Variants in ADGRB1 observed in about 807,000 individuals in gnomAD.
ADGRB1 encodes adhesion G protein-coupled receptor B1.
A neutral mutation model predicts 175.7 loss-of-function variants in ADGRB1; 36 were observed. The ratio of observed to expected loss-of-function variants is 0.20; its 90% CI spans 0.16 to 0.27. The LOEUF (loss-of-function observed/expected upper bound fraction) is 0.27, where lower values mean the gene tolerates loss of function less well. ADGRB1 is among the 10% of genes least tolerant of loss of function. The pLI is 1.00. For synonymous variants in ADGRB1, 1,054 were observed against 979.4 expected (o/e 1.08, Z -1.42); for missense variants, 1,731 against 2,255.3 (o/e 0.77, Z 4.71).
chr8:142,520,512 AGTG>A (rs1258453474), intron 19 of ADGRB1, among the ~76,000 whole-genome samples: 1,165 of 17,128 alleles, frequency 0.068, 25 homozygotes, highest in Middle Eastern at 0.21. Context: ...ATGGTGATGT[AGTG>A]GTGGTGGTGA....
intron 18 of ADGRB1, among the ~76,000 whole-genome samples, chr8:142,513,412 C>T (rs540611055): frequency 5.3e-5 from 8 of 152,322 alleles, no homozygotes; most frequent in Non-Finnish European, 1.0e-4. Flanking sequence ...CCTTCCTGTC[C>T]TTTCCACACC....
chr8:142,542,792 C>G lies in ADGRB1; in HGVS notation c.4413+145C>G, dbSNP rs1246234300. ...GCTACACCCCCCACCCCTGGCCCTG[C>G]TGGGTGTGCTGTGTATGTCTGACGT... On this transcript the variant is annotated intron_variant, in intron 28 of 30. Transcript: ENST00000517894. The surrounding 1 kb of genome is among the most constrained non-coding windows in gnomAD (Gnocchi z 6.3). The G allele has an allele frequency of 1.5e-5, 11 of 757,930 alleles. No homozygotes were observed. The East Asian group carries it at 3.5e-4, about 24-fold the overall frequency. The allele number at this position is 757,930 out of a possible 1,614,324, so 47.0% of individuals were successfully genotyped here. A position where few individuals can be genotyped will look rare whatever the true frequency, so the allele number is the denominator to read the frequency against.
chr8:142,481,934 T>C (rs563789472), intron 11 of ADGRB1, among the ~76,000 whole-genome samples: 1 of 148,576 alleles, frequency 6.7e-6, no homozygotes, highest in South Asian at 2.2e-4. Context: ...CTGACCCTGG[T>C]CACATGCTGA....
intron 24 of ADGRB1, among the ~76,000 whole-genome samples, chr8:142,530,956 T>C (rs532948977): frequency 8.5e-5 from 13 of 152,296 alleles, no homozygotes; most frequent in African/African-American, 3.1e-4. Context: ...GCTGAGCTGC[T>C]GTGTGGGAGT....
intron 13 of ADGRB1, among the ~76,000 whole-genome samples, chr8:142,487,528 TCTC>T (rs1841733109): frequency 6.6e-6 from 1 of 152,060 alleles, no homozygotes; most frequent in Non-Finnish European, 1.5e-5. Context: ...GCGCATGCCC[TCTC>T]CTCCTCTCCC....
intron 1 of ADGRB1, among the ~76,000 whole-genome samples, chr8:142,453,116 C>T (rs1429439787): frequency 6.6e-6 from 1 of 151,464 alleles, no homozygotes; most frequent in South Asian, 2.1e-4. Flanking sequence ...GCCGGAGCCC[C>T]CCTCGCCGGC....
intron 17 of ADGRB1, among the ~76,000 whole-genome samples, chr8:142,502,195 CAGT>C (rs1563718601): frequency 5.0e-5 from 1 of 19,840 alleles, no homozygotes; most frequent in African/African-American, 1.9e-4. Context: ...TTGATGATGA[CAGT>C]GGAGGTGGTG....
rs932308676 is a variant in ADGRB1 at position 142,511,736 on chromosome 8, C to T, written c.2817+663C>T. Among the ~76,000 whole-genome samples the T allele has an allele frequency of 6.6e-6, 1 of 152,196 alleles. No individual in the cohort carries two copies. The highest frequency in any genetic ancestry group is 2.4e-5 in the African/African-American group (1 of 41,444). On this transcript the variant is annotated intron_variant, in intron 18 of 30. Coordinates refer to ENST00000517894, the MANE Select transcript of ADGRB1 (RefSeq NM_001702.3). The surrounding 1 kb of genome is among the most constrained non-coding windows in gnomAD (Gnocchi z 4.5). The stretch of plus-strand genomic sequence containing the variant: ...GGCGCAGCTCCCTGGGGCGGGTGGG[C>T]TCTCTTGCTTTGGGCCGGCCAAGCT...
At chr8:142,498,591 G>A (rs999674890) in intron 17 of ADGRB1, among the ~76,000 whole-genome samples, 1 of 152,048 alleles carries the variant, frequency 6.6e-6, no homozygotes, top group Non-Finnish European at 1.5e-5. Context: ...TTCCTTAACT[G>A]TGCAATGGGA....
At chr8:142,488,260 A>T (rs1841791696) in intron 13 of ADGRB1, 104 bp from the exon 14 acceptor site, 5 of 1,484,860 alleles carry the variant, frequency 3.4e-6, no homozygotes, top group Middle Eastern at 1.8e-4. Flanking sequence ...CCGCGGCATC[A>T]GCCTGCACTG....
At position 142,504,478 on chromosome 8, in the gene ADGRB1, CG is replaced by C. The variant is rs998140472; in HGVS notation, c.2676-6448del. On this transcript the variant is annotated intron_variant, in intron 17 of 30. Coordinates refer to ENST00000517894, the MANE Select transcript of ADGRB1 (RefSeq NM_001702.3). The surrounding 1 kb of genome is among the most constrained non-coding windows in gnomAD (Gnocchi z 5.6). Reference sequence around the variant, plus strand: ...AAGGGAGGCCCCTCTGGGATGGTCGCGGGGGGCTCTGGCTGCTGGGTGAGGC... The same window carrying C: ...AAGGGAGGCCCCTCTGGGATGGTCGCGGGGGCTCTGGCTGCTGGGTGAGGC... Among the ~76,000 whole-genome samples the C allele has an allele frequency of 3.3e-5, 5 of 152,192 alleles. No individual in the cohort carries two copies. The highest frequency in any genetic ancestry group is 1.9e-4 in the East Asian group (1 of 5,164).
At chr8:142,489,240 G>A (rs1206300241) in intron 15 of ADGRB1, 96 bp from the exon 16 acceptor site, 19 of 1,549,864 alleles carry the variant, frequency 1.2e-5, no homozygotes, top group African/African-American at 4.1e-5. Flanking sequence ...GGAGGGTGGC[G>A]GCGGGTACAG....
chr8:142,508,396 C>T (rs1164479093), intron 17 of ADGRB1, among the ~76,000 whole-genome samples: 1 of 152,162 alleles, frequency 6.6e-6, no homozygotes, highest in African/African-American at 2.4e-5. Flanking sequence ...CCTTGGAAAA[C>T]CCTCTGGCCA....
In ADGRB1 at chr8:142,511,566, A is replaced by G. The variant is rs575155922; in HGVS notation, c.2817+493A>G. ...TGGAGGAGGAGGTGGCGGTGGCCCC[A>G]GGCAGGGGCCCTGGCCCAGATCCAC... On this transcript the variant is annotated intron_variant, in intron 18 of 30. Coordinates refer to ENST00000517894, the MANE Select transcript of ADGRB1 (RefSeq NM_001702.3). The surrounding 1 kb of genome is among the most constrained non-coding windows in gnomAD (Gnocchi z 4.5). Among the ~76,000 whole-genome samples, 2 of 152,220 alleles carry G rather than the reference A, an allele frequency of 1.3e-5. No individual in the cohort carries two copies. Among genetic ancestry groups the G allele is most frequent in the South Asian group, 4.1e-4 (2 of 4,826 alleles).
rs759824853 is a variant in ADGRB1, at chr8:142,522,124, C to T, written c.3175+9C>T. ...CCTCTGCCTGGGCTGGGGTGAGCCG[C>T]GGCCTTCCCGACCCTCCTGGACAGA... On this transcript the variant is annotated intron_variant, in intron 21 of 30. Transcript: ENST00000517894. The T allele has an allele frequency of 6.8e-6, 11 of 1,605,922 alleles. No homozygotes were observed. The highest frequency in any genetic ancestry group is 3.3e-5 in the South Asian group (3 of 90,978).
Position 142,476,705 on chromosome 8 carries a change from C to T in ADGRB1, c.1057+10C>T, listed in dbSNP as rs1381779832. 10 of 1,539,756 alleles carry T rather than the reference C, an allele frequency of 6.5e-6. No homozygotes were observed. The highest frequency in any genetic ancestry group is 3.6e-5 in the South Asian group (3 of 83,406). On this transcript the variant is annotated intron_variant, in intron 4 of 30. Transcript: ENST00000517894. ...CCAGCCCCCCAGACCGGTGAGCTGG[C>T]GGGAGGGGGGTGGGTGGGACTAGGG...
In ADGRB1 at chr8:142,492,404, A is replaced by G. The variant is rs1587334789; in HGVS notation, c.2675+1589A>G. On this transcript the variant is annotated intron_variant, in intron 17 of 30. Coordinates refer to ENST00000517894, the MANE Select transcript of ADGRB1 (RefSeq NM_001702.3). The surrounding 1 kb of genome is among the most constrained non-coding windows in gnomAD (Gnocchi z 4.4). ...GCAGTGTGGTGATGCCCGGCCGTGC[A>G]TGGGCCGGGAAGGGAAGCTAGCAGG... 6.6e-6 allele frequency among the ~76,000 whole-genome samples: 1 copy of G among 152,116 alleles called. No individual in the cohort carries two copies. Among genetic ancestry groups the G allele is most frequent in the Non-Finnish European group, 1.5e-5 (1 of 68,022 alleles).
At chr8:142,498,479 C>A (rs983272291) in intron 17 of ADGRB1, among the ~76,000 whole-genome samples, 2 of 152,238 alleles carry the variant, frequency 1.3e-5, no homozygotes, top group East Asian at 1.9e-4. Flanking sequence ...GGGCTGGGGG[C>A]GTGCAAGTCT....
intron 27 of ADGRB1, chr8:142,539,788 C>A (rs867614898): frequency 5.2e-5 from 18 of 342,874 alleles, no homozygotes; most frequent in Non-Finnish European, 7.1e-5. Flanking sequence ...CCGCTCCCCC[C>A]CCCTGCCTCC....
Sources: gnomAD v4.1 joint callset for allele counts (sites outside exome capture counted in the v4.1 genomes callset) on GRCh38, gnomAD v4.1.1 for gene constraint, Gnocchi (gnomAD v3.1) non-coding constraint, MANE v1.5 for transcripts, NCBI Gene and HGNC (gene_info 2026-07-23, HGNC 2026-07-21) for gene names.